Variants in ABL1 observed in about 807,000 individuals in gnomAD.
ABL1 encodes the protein ABL proto-oncogene 1, non-receptor tyrosine kinase.
Under a neutral mutation model 94.7 loss-of-function variants are expected in ABL1, and 11 were observed. That is an observed-to-expected ratio of 0.12 (90% CI 0.07 to 0.19). ABL1 has a LOEUF of 0.19. ABL1 is among the 10% of genes least tolerant of loss of function. The pLI is 1.00. For synonymous variants in ABL1, 656 were observed against 622.4 expected (o/e 1.05, Z -0.80); for missense variants, 1,082 against 1,489.4 (o/e 0.73, Z 4.50).
upstream of ABL1, chr9:130,835,006 C>T: frequency 2.8e-6 from 1 of 353,326 alleles, no homozygotes; most frequent in Admixed American, 3.6e-5. The surrounding 1 kb of genome is among the most constrained non-coding windows in gnomAD (Gnocchi z 4.6). Flanking sequence ...GGCCTGCACC[C>T]TCCCCGCCGG....
chr9:130,790,944 A>G (rs965690063), intron 1 of ABL1, among the ~76,000 whole-genome samples: 11 of 152,202 alleles, frequency 7.2e-5, no homozygotes, highest in African/African-American at 2.4e-4. Context: ...CTGTGGGGAG[A>G]GGTGGAGTCT....
chr9:130,761,570 G>A (rs751540234), intron 1 of ABL1, among the ~76,000 whole-genome samples: 3 of 152,154 alleles, frequency 2.0e-5, no homozygotes, highest in Non-Finnish European at 4.4e-5. Flanking sequence ...ATTAGGCATC[G>A]AAAGCTGTTG....
At chr9:130,805,592 G>C (rs1830115564) in intron 1 of ABL1, among the ~76,000 whole-genome samples, 1 of 152,226 alleles carries the variant, frequency 6.6e-6, no homozygotes, top group African/African-American at 2.4e-5. Context: ...AAGGAAGAAA[G>C]AAGTGAGCAG....
At chr9:130,837,570 G>C (rs1830608152) in intron 1 of ABL1, among the ~76,000 whole-genome samples, 1 of 151,538 alleles carries the variant, frequency 6.6e-6, no homozygotes. Flanking sequence ...AAAAGTTCTA[G>C]TACAGCAGAC....
At chr9:130,848,796 G>A (rs1272005244) in intron 1 of ABL1, among the ~76,000 whole-genome samples, 20 of 150,602 alleles carry the variant, frequency 1.3e-4, no homozygotes, top group African/African-American at 4.1e-4. Flanking sequence ...AAAAGTAGCC[G>A]AGTGTGGTGG....
chr9:130,795,245 A>G (rs1829959989), intron 1 of ABL1, among the ~76,000 whole-genome samples: 1 of 152,174 alleles, frequency 6.6e-6, no homozygotes, highest in African/African-American at 2.4e-5. Context: ...CCCTGATATT[A>G]TGAAGTGGGT....
At chr9:130,758,407 G>T (rs1229185688) in intron 1 of ABL1, among the ~76,000 whole-genome samples, 2 of 151,890 alleles carry the variant, frequency 1.3e-5, no homozygotes, top group Non-Finnish European at 2.9e-5. Context: ...TGATCCACCC[G>T]CCTTGGCCTC....
At position 130,854,066 on chromosome 9, in the gene ABL1, G is replaced by A. The variant is rs1412043510; in HGVS notation, c.82G>A (p.Ala28Thr). Reference protein sequence around the residue: ...SSSSSCYLEEALQRPVASDFE... With the variant: ...SSSSSCYLEETLQRPVASDFE... ...CTGTTCCCCCCTTTCTCTTCCAGAA[G>A]CCCTTCAGCGGCCAGTAGCATCTGA... is the stretch of plus-strand genomic sequence containing the variant. The change falls in exon 2 of 11, where the codon GCC becomes ACC. Residue 28 changes from alanine (A) to threonine (T), a missense_variant and splice_region_variant. Transcript: ENST00000318560. 1 of 1,602,566 alleles carries A rather than the reference G, an allele frequency of 6.2e-7. No homozygotes were observed. The highest frequency in any genetic ancestry group is 8.5e-7 in the Non-Finnish European group (1 of 1,175,196).
rs769804079 is a variant in ABL1, at chr9:130,884,532, G to C, written c.2242G>C (p.Asp748His). ...RDLQSTGRQF[D>H]SSTFGGHKSE... The stretch of plus-strand genomic sequence containing the variant: ...CTTGCAGTCCACGGGAAGACAGTTT[G>C]ACTCGTCCACATTTGGAGGGCACAA... Residue 748 changes from aspartate (D) to histidine (H), a missense_variant, in exon 11 of 11, where the codon GAC (aspartate) becomes CAC (histidine). Asp to His is a moderately conservative substitution (Grantham distance 81, BLOSUM62 -1). Around this residue, in one of 7 missense-constraint regions of ABL1, gnomAD observed 780 missense variants for 835.8 expected, o/e 0.93. Coordinates refer to ENST00000318560, the MANE Select transcript of ABL1 (RefSeq NM_005157.6). The surrounding 1 kb of genome is among the most constrained non-coding windows in gnomAD (Gnocchi z 5.6). The C allele has an allele frequency of 6.2e-7, 1 of 1,613,204 alleles. No individual in the cohort carries two copies. The highest frequency in any genetic ancestry group is 8.5e-7 in the Non-Finnish European group (1 of 1,180,048).
intron 1 of ABL1, among the ~76,000 whole-genome samples, chr9:130,768,088 A>C (rs1459289579): frequency 1.3e-5 from 2 of 152,192 alleles, no homozygotes; most frequent in Non-Finnish European, 2.9e-5. Flanking sequence ...GGAGCTGAGT[A>C]GCCGCTGCTC....
chr9:130,854,774 T>C (rs372671026), intron 2 of ABL1, 27 bp from the exon 3 acceptor site: 7 of 1,593,734 alleles, frequency 4.4e-6, no homozygotes, highest in Admixed American at 3.5e-5. Context: ...AAAGCTGATA[T>C]GTCTGATTTG....
intron 1 of ABL1, among the ~76,000 whole-genome samples, chr9:130,776,600 G>A (rs1832314496): frequency 6.6e-6 from 1 of 151,826 alleles, no homozygotes; most frequent in African/African-American, 2.4e-5. Flanking sequence ...AGCAGCAGCT[G>A]TGGTGACTCT....
intron 1 of ABL1, among the ~76,000 whole-genome samples, chr9:130,715,109 T>G (rs1373540262): frequency 6.6e-6 from 1 of 152,220 alleles, no homozygotes. Context: ...TCTCCCTGTT[T>G]AGAATGATAT....
At chr9:130,865,938 C>G (rs1286209392) in intron 4 of ABL1, among the ~76,000 whole-genome samples, 1 of 152,040 alleles carries the variant, frequency 6.6e-6, no homozygotes, top group Non-Finnish European at 1.5e-5. Flanking sequence ...CCTAAAATCC[C>G]AAATCCTAAA....
chr9:130,827,857 G>A (rs964478407), intron 1 of ABL1, among the ~76,000 whole-genome samples: 1 of 151,112 alleles, frequency 6.6e-6, no homozygotes, highest in Non-Finnish European at 1.5e-5. Context: ...TTGCACCACC[G>A]CATTCCAGCC....
At chr9:130,829,820 T>C (rs1830472923) in intron 1 of ABL1, among the ~76,000 whole-genome samples, 1 of 152,234 alleles carries the variant, frequency 6.6e-6, no homozygotes. Flanking sequence ...ACACTAACTA[T>C]TGATTTATCC....
chr9:130,840,665 C>A (rs1289272230), intron 1 of ABL1, among the ~76,000 whole-genome samples: 2 of 152,076 alleles, frequency 1.3e-5, no homozygotes, highest in African/African-American at 4.8e-5. Flanking sequence ...TTTTTAGTGT[C>A]AATTTTTAAA....
At chr9:130,868,950 A>G (rs1831204691) in intron 4 of ABL1, among the ~76,000 whole-genome samples, 1 of 151,966 alleles carries the variant, frequency 6.6e-6, no homozygotes, top group Non-Finnish European at 1.5e-5. Flanking sequence ...GGCAGATCAC[A>G]AGGTCAGGAG....
chr9:130,880,359 T>C lies in ABL1; in HGVS notation c.1514-141T>C. ...AGTTCTAAGAAATGCTAAGGGCTGT[T>C]TCTCCGGTATCCACGTGCCTTTTCT... On this transcript the variant is annotated intron_variant, in intron 9 of 10. Coordinates refer to ENST00000318560, the MANE Select transcript of ABL1 (RefSeq NM_005157.6). The surrounding 1 kb of genome is among the most constrained non-coding windows in gnomAD (Gnocchi z 4.4). The C allele has an allele frequency of 8.8e-7, 1 of 1,131,600 alleles. No homozygotes were observed. Among genetic ancestry groups the C allele is most frequent in the Non-Finnish European group, 1.3e-6 (1 of 790,924 alleles). 70.1% of individuals were successfully genotyped at this position (1,131,600 alleles called of 1,614,324 possible). A position where few individuals can be genotyped will look rare whatever the true frequency, so the allele number is the denominator to read the frequency against.
Sources: gnomAD v4.1 joint callset for allele counts (sites outside exome capture counted in the v4.1 genomes callset) on GRCh38, gnomAD v4.1.1 for gene constraint, gnomAD v4.1.1 regional missense constraint, Gnocchi (gnomAD v3.1) non-coding constraint, MANE v1.5 for transcripts, NCBI Gene and HGNC (gene_info 2026-07-23, HGNC 2026-07-21) for gene names.